Variants in ADCY10 observed in about 807,000 individuals in gnomAD.
The protein encoded by ADCY10 is adenylate cyclase 10, also known as adenylate cyclase type 10.
Under a neutral mutation model 183.3 loss-of-function variants are expected in ADCY10, and 156 were observed. That is an observed-to-expected ratio of 0.85 (90% confidence interval 0.75 to 0.97). The LOEUF (loss-of-function observed/expected upper bound fraction) is 0.97. Ranked by LOEUF, ADCY10 falls within the 50% of genes least tolerant of loss-of-function variation. The probability of loss-of-function intolerance (pLI) is 0.00; values close to 1 mark genes in which losing one functional copy is unlikely to be tolerated. For missense variants in ADCY10, 1,745 were observed against 1,934.3 expected, an observed-to-expected ratio of 0.90 and a Z score of 1.84; for synonymous variants, 645 against 670.0, an observed-to-expected ratio of 0.96 and a Z score of 0.58.
In ADCY10 at chr1:167,899,601, A is replaced by G. The variant is rs1669250293; in HGVS notation, c.464T>C (p.Leu155Ser). The change falls in exon 6 of 33, where the codon TTG becomes TCG. Residue 155 changes from leucine to serine, a missense_variant. By Grantham distance (145) the Leu-to-Ser change is moderately radical. Transcript: ENST00000367851. ...GCTGTGTGTTTCATCTCCAAAGACCAACATGCTGATGTGGCCAGCAGCCAG... is the reference window on the plus strand; with the variant it reads ...GCTGTGTGTTTCATCTCCAAAGACCGACATGCTGATGTGGCCAGCAGCCAG... Reference protein sequence around the residue: ...IGLAAGHISMLVFGDETHSHF... With the variant: ...IGLAAGHISMSVFGDETHSHF... 6.2e-7 allele frequency: 1 copy of G among 1,614,116 alleles called. No individual in the cohort carries two copies. Among genetic ancestry groups the G allele is most frequent in the Non-Finnish European group, 8.5e-7 (1 of 1,180,040 alleles).
chr1:167,896,237 T>C (rs1668967082), intron 7 of ADCY10, among the ~76,000 whole-genome samples: 1 of 152,152 alleles, frequency 6.6e-6, no homozygotes, highest in Non-Finnish European at 1.5e-5. Flanking sequence ...TAAGGGGACA[T>C]GAGAGCAGGT....
At chr1:167,905,276 TG>T (rs1254755502) in intron 1 of ADCY10, 78 bp from the exon 2 acceptor site, 1 of 1,111,202 alleles carries the variant, frequency 9.0e-7, no homozygotes, top group African/African-American at 1.5e-5. Context: ...CCATTTGTTT[TG>T]TTCTAACCTG....
At chr1:167,887,127 A>C (rs1245613205) in intron 8 of ADCY10, among the ~76,000 whole-genome samples, 2 of 152,184 alleles carry the variant, frequency 1.3e-5, no homozygotes, top group Non-Finnish European at 1.5e-5. Context: ...CCATTGTGGA[A>C]GACAGTGTGG....
intron 8 of ADCY10, among the ~76,000 whole-genome samples, chr1:167,884,268 C>T (rs550053548): frequency 1.1e-4 from 16 of 152,298 alleles, no homozygotes; most frequent in Admixed American, 9.1e-4. Flanking sequence ...GGGGAGGACT[C>T]AAACTTATAA....
At chr1:167,891,892 G>C (rs939108567) in intron 8 of ADCY10, among the ~76,000 whole-genome samples, 9 of 152,070 alleles carry the variant, frequency 5.9e-5, no homozygotes, top group African/African-American at 1.7e-4. Flanking sequence ...TTGCCTAGAA[G>C]GTCCTGGTTT....
chr1:167,870,890 A>T (rs1667060420), intron 13 of ADCY10, among the ~76,000 whole-genome samples: 1 of 151,928 alleles, frequency 6.6e-6, no homozygotes, highest in South Asian at 2.1e-4. Flanking sequence ...AATTGTTTAA[A>T]TCTTCCTGGG....
chr1:167,819,247 ATT>A (rs11454786), intron 30 of ADCY10, among the ~76,000 whole-genome samples: 35 of 128,294 alleles, frequency 2.7e-4, no homozygotes, highest in Admixed American at 7.3e-4. Context: ...AGAAAATCCG[ATT>A]TTTTTTTTTT....
intron 13 of ADCY10, among the ~76,000 whole-genome samples, chr1:167,873,602 A>G (rs887937740): frequency 6.6e-6 from 1 of 152,156 alleles, no homozygotes; most frequent in South Asian, 2.1e-4. Context: ...TCTTATAGGT[A>G]TATCCCTTCC....
rs1457361462 is a variant in ADCY10, at chr1:167,822,128, TC to T, written c.4181del (p.Arg1394LysfsTer33). On this transcript the variant is annotated frameshift_variant, in exon 30 of 33. Transcript: ENST00000367851. LOFTEE classifies it high-confidence loss of function. ...DILLYSGFVY[R>X]TFEECLEFIH... The stretch of plus-strand genomic sequence containing the variant: ...TGAATTCCAAACATTCTTCAAATGT[TC>T]TATAAACAAAACCTAAGAGAGAGAG... 6.3e-7 allele frequency: 1 copy of T among 1,590,580 alleles called. No homozygotes were observed. The highest frequency in any genetic ancestry group is 2.2e-5 in the East Asian group (1 of 44,760).
At chr1:167,894,057 G>A in intron 7 of ADCY10, 116 bp from the exon 8 acceptor site, 1 of 729,288 alleles carries the variant, frequency 1.4e-6, no homozygotes, top group Non-Finnish European at 2.5e-6. Flanking sequence ...TGTCCTTACA[G>A]TTGTCAGGAG....
At chr1:167,886,772 A>G (rs1213207754) in intron 8 of ADCY10, among the ~76,000 whole-genome samples, 2 of 152,254 alleles carry the variant, frequency 1.3e-5, no homozygotes, top group Non-Finnish European at 2.9e-5. Context: ...ACAGAATGGG[A>G]GAAAATTTTT....
intron 7 of ADCY10, among the ~76,000 whole-genome samples, chr1:167,894,413 T>C (rs1040753213): frequency 6.6e-6 from 1 of 152,132 alleles, no homozygotes; most frequent in African/African-American, 2.4e-5. Flanking sequence ...TTTGCTGCCC[T>C]GGTTGCCTCC....
At chr1:167,894,072 T>C in intron 7 of ADCY10, 131 bp from the exon 8 acceptor site, 1 of 703,602 alleles carries the variant, frequency 1.4e-6, no homozygotes, top group Non-Finnish European at 2.6e-6. Context: ...CAGGAGACTC[T>C]GGGACACCTA....
At chr1:167,875,072 T>C (rs1251160434) in intron 13 of ADCY10, 59 bp downstream of exon 13, 2 of 1,332,042 alleles carry the variant, frequency 1.5e-6, no homozygotes, top group Admixed American at 1.7e-5. Context: ...TTGATGTACT[T>C]TTCTGCATGT....
Position 167,845,682 on chromosome 1 carries a change from C to T in ADCY10, c.2888G>A (p.Arg963Lys). The T allele has an allele frequency of 6.2e-7, 1 of 1,614,262 alleles. No individual in the cohort carries two copies. Among genetic ancestry groups the T allele is most frequent in the Non-Finnish European group, 8.5e-7 (1 of 1,180,052 alleles). ...GTCCCTGCCTCGGCAGTGGTCACATCTGTGGGCATCTTCTTCTAAAAAGCG... is the reference window on the plus strand; with the variant it reads ...GTCCCTGCCTCGGCAGTGGTCACATTTGTGGGCATCTTCTTCTAAAAAGCG... ...CARFLEEDAH[R>K]CDHCRGRDFI... Residue 963 changes from arginine to lysine, a missense_variant, in exon 21 of 33, where the codon AGA becomes AAA. Coordinates refer to ENST00000367851, the MANE Select transcript of ADCY10 (RefSeq NM_018417.6).
intron 13 of ADCY10, among the ~76,000 whole-genome samples, chr1:167,871,842 C>T (rs1298835728): frequency 1.3e-5 from 2 of 152,110 alleles, no homozygotes; most frequent in Non-Finnish European, 2.9e-5. Flanking sequence ...TCTGAAAATG[C>T]ATTTGAACCT....
At chr1:167,897,383 G>A (rs1016152090) in intron 6 of ADCY10, among the ~76,000 whole-genome samples, 4 of 150,650 alleles carry the variant, frequency 2.7e-5, no homozygotes, top group Non-Finnish European at 5.9e-5. Flanking sequence ...TGTGGTCCCA[G>A]TTACTCAGGA....
At chr1:167,839,819 G>A (rs1384991319) in intron 21 of ADCY10, among the ~76,000 whole-genome samples, 5 of 152,134 alleles carry the variant, frequency 3.3e-5, no homozygotes, top group Admixed American at 1.3e-4. Flanking sequence ...CATGGTAGAC[G>A]CTTAATAAAT....
rs755950026 is a variant in ADCY10 at position 167,824,714 on chromosome 1, C to G, written c.3892G>C (p.Val1298Leu). 6.2e-7 allele frequency: 1 copy of G among 1,614,230 alleles called. No homozygotes were observed. Among genetic ancestry groups the G allele is most frequent in the Non-Finnish European group, 8.5e-7 (1 of 1,180,040 alleles). ...KGEGIEIVAY[V>L]AETLVFNKLI... ...TTGTTGAAGACCAGTGTCTCAGCCA[C>G]GTATGCCACGATTTCAATGCCCTCG... The change falls in exon 27 of 33, where the codon GTG becomes CTG. Residue 1298 changes from valine to leucine, a missense_variant. Coordinates refer to ENST00000367851, the MANE Select transcript of ADCY10 (RefSeq NM_018417.6).
Sources: allele counts gnomAD v4.1 joint callset (sites outside exome capture counted in the v4.1 genomes callset), GRCh38; gene constraint gnomAD v4.1.1; transcripts MANE v1.5; gene names NCBI Gene and HGNC (gene_info 2026-07-23, HGNC 2026-07-21).